The following ZNF728 variants were observed in gnomAD, a reference collection of about 807,000 sequenced individuals.
ZNF728 encodes zinc finger protein 728.
Under a neutral mutation model 12.5 loss-of-function variants are expected in ZNF728, and 12 were observed. The ratio of observed to expected loss-of-function variants is 0.96; its 90% CI spans 0.61 to 1.55. The LOEUF (loss-of-function observed/expected upper bound fraction) is 1.55, where lower values mean the gene tolerates loss of function less well. Ranked by LOEUF, ZNF728 falls within the 40% of genes most tolerant of loss-of-function variation. The pLI, the probability that ZNF728 is intolerant of heterozygous loss-of-function variation, is 0.00. For missense variants in ZNF728, 692 were observed against 719.2 expected, an observed-to-expected ratio of 0.96 and a Z score of 0.43; for synonymous variants, 205 against 240.7, an observed-to-expected ratio of 0.85 and a Z score of 1.37.
intron 1 of ZNF728, among the ~76,000 whole-genome samples, chr19:22,989,083 ATTGT>A (rs953849214): frequency 6.6e-6 from 1 of 150,548 alleles, no homozygotes; most frequent in Non-Finnish European, 1.5e-5. Context: ...AAAAGAATTA[ATTGT>A]TTGTATTTTT....
intron 1 of ZNF728, among the ~76,000 whole-genome samples, chr19:22,993,980 A>G (rs1245303635): frequency 6.6e-6 from 1 of 152,184 alleles, no homozygotes; most frequent in Non-Finnish European, 1.5e-5. Context: ...AATAGCAGCA[A>G]GTGTTACCTG....
At chr19:22,994,763 C>A (rs1237565111) in intron 1 of ZNF728, among the ~76,000 whole-genome samples, 7 of 152,176 alleles carry the variant, frequency 4.6e-5, no homozygotes, top group Non-Finnish European at 7.3e-5. Flanking sequence ...CGGGTGCTAT[C>A]TTTTTGGCTC....
intron 3 of ZNF728, among the ~76,000 whole-genome samples, chr19:22,982,450 T>G (rs906146016): frequency 1.3e-5 from 2 of 152,102 alleles, no homozygotes; most frequent in Admixed American, 1.3e-4. Flanking sequence ...CCAAAGTAAT[T>G]TATAGATTCA....
rs1411197874 is a variant in ZNF728, at chr19:22,975,920, T to C, written c.1417A>G (p.Ile473Val). 1 of 1,606,598 alleles carries C rather than the reference T, an allele frequency of 6.2e-7. No individual in the cohort carries two copies. The highest frequency in any genetic ancestry group is 1.7e-5 in the Admixed American group (1 of 59,890). The part of the protein sequence containing the change: ...WSSSLTTHKA[I>V]HAGEKLYKCE... ...TTGTAGAGTTTCTCTCCAGCATGAA[T>C]TGCCTTATGTGTAGTAAGGCTTGAG... The change falls in exon 4 of 4, where the codon ATT (isoleucine) becomes GTT (valine). Residue 473 changes from isoleucine (I) to valine (V), a missense_variant. Physicochemically the swap from Ile to Val is conservative, Grantham distance 29. Transcript: ENST00000594710.
At chr19:22,982,502 T>C (rs1968870921) in intron 3 of ZNF728, among the ~76,000 whole-genome samples, 1 of 152,136 alleles carries the variant, frequency 6.6e-6, no homozygotes, top group Non-Finnish European at 1.5e-5. Flanking sequence ...TTTACAGATT[T>C]TGAAAAAACT....
At chr19:22,984,615 C>T (rs1163609711) in intron 3 of ZNF728, among the ~76,000 whole-genome samples, 4 of 136,076 alleles carry the variant, frequency 2.9e-5, no homozygotes, top group South Asian at 2.3e-4. Context: ...CACACACACA[C>T]ATATACACAC....
intron 3 of ZNF728, among the ~76,000 whole-genome samples, chr19:22,982,730 T>C (rs947532898): frequency 2.6e-5 from 4 of 152,086 alleles, no homozygotes; most frequent in African/African-American, 9.7e-5. Context: ...CATCTGATCT[T>C]TGAGAAATCT....
At chr19:22,992,487 C>A (rs966864396) in intron 1 of ZNF728, among the ~76,000 whole-genome samples, 11 of 152,138 alleles carry the variant, frequency 7.2e-5, no homozygotes, top group African/African-American at 2.7e-4. Context: ...AGGTGATCCA[C>A]CCACCTTGGC....
At chr19:22,993,307 C>A (rs568799435) in intron 1 of ZNF728, among the ~76,000 whole-genome samples, 8 of 152,322 alleles carry the variant, frequency 5.3e-5, no homozygotes, top group African/African-American at 1.9e-4. Flanking sequence ...TCTGGCCCTG[C>A]CTTGTAAATC....
At chr19:22,980,284 T>C (rs1968848793) in intron 3 of ZNF728, among the ~76,000 whole-genome samples, 1 of 150,126 alleles carries the variant, frequency 6.7e-6, no homozygotes, top group African/African-American at 2.4e-5. Context: ...GAGACAAAGA[T>C]GGGCATTACA....
At chr19:22,983,234 T>C (rs1037731304) in intron 3 of ZNF728, among the ~76,000 whole-genome samples, 5 of 151,524 alleles carry the variant, frequency 3.3e-5, no homozygotes, top group African/African-American at 1.2e-4. Context: ...AAGACATTTA[T>C]GTGGCCAACA....
At chr19:23,002,250 G>A (rs570605464) in intron 1 of ZNF728, among the ~76,000 whole-genome samples, 2 of 152,352 alleles carry the variant, frequency 1.3e-5, no homozygotes, top group African/African-American at 4.8e-5. Flanking sequence ...GGGAGGCGGA[G>A]ATTGCAGTGA....
intron 3 of ZNF728, among the ~76,000 whole-genome samples, chr19:22,978,031 A>G (rs1312526765): frequency 6.6e-6 from 1 of 151,534 alleles, no homozygotes; most frequent in African/African-American, 2.4e-5. Flanking sequence ...TTGTGGTGAT[A>G]AAAAATACAA....
chr19:22,976,532 AGG>A lies in ZNF728; in HGVS notation c.803_804del (p.Ser268PhefsTer5). On this transcript the variant is annotated frameshift_variant, in exon 4 of 4. Coordinates refer to ENST00000594710, the MANE Select transcript of ZNF728 (RefSeq NM_001267716.2). LOFTEE classifies it low-confidence loss of function (END_TRUNC). ...CEECGKAFTR[S>X]SSLIEHKRSH... ...CTTCTCTTATGTTCAATAAGGCTTG[AGG>A]ACCGGGTGAAGGCTTTGCCACATTC... 1 of 1,612,854 alleles carries A rather than the reference AGG, an allele frequency of 6.2e-7. No homozygotes were observed. Among genetic ancestry groups the A allele is most frequent in the South Asian group, 1.1e-5 (1 of 91,050 alleles).
rs758542897 is a variant in ZNF728, at chr19:22,986,626, A to G, written c.226+682T>C. ...AAATAAATTGAAATATATTTTGTCT[A>G]TCGATTCAAAGAATAAATGTTAAAA... On this transcript the variant is annotated intron_variant, in intron 3 of 3. Coordinates refer to ENST00000594710, the MANE Select transcript of ZNF728 (RefSeq NM_001267716.2). Among the ~76,000 whole-genome samples the G allele has an allele frequency of 1.2e-4, 19 of 152,258 alleles. 1 individual carries two copies. In the Middle Eastern group the frequency reaches 0.014, roughly 109 times the overall value.
At position 23,003,141 on chromosome 19, in the gene ZNF728, A is replaced by G; in HGVS notation, c.-111T>C. ...GAGCGGACGACACACAGCAGTAAGGACGACACCTTGACCTCCGCGTGCAGC... is the reference window on the plus strand; with the variant it reads ...GAGCGGACGACACACAGCAGTAAGGGCGACACCTTGACCTCCGCGTGCAGC... On this transcript the variant is annotated 5_prime_UTR_variant, in exon 1 of 4. Transcript: ENST00000594710. 7.6e-7 allele frequency: 1 copy of G among 1,313,020 alleles called. No homozygotes were observed. Among genetic ancestry groups the G allele is most frequent in the Non-Finnish European group, 1.0e-6 (1 of 968,524 alleles). 81.3% of individuals were successfully genotyped at this position (1,313,020 alleles called of 1,614,324 possible).
chr19:22,986,513 A>G (rs1414617120), intron 3 of ZNF728, among the ~76,000 whole-genome samples: 1 of 152,160 alleles, frequency 6.6e-6, no homozygotes, highest in Non-Finnish European at 1.5e-5. Context: ...CAATAGCACT[A>G]AAATAATAAA....
intron 3 of ZNF728, among the ~76,000 whole-genome samples, chr19:22,977,313 G>C (rs1446071249): frequency 6.6e-6 from 1 of 151,990 alleles, no homozygotes; most frequent in Non-Finnish European, 1.5e-5. Flanking sequence ...AGTTAAGTGT[G>C]TACAGTGTCT....
chr19:22,991,835 T>C (rs577527400), intron 1 of ZNF728, among the ~76,000 whole-genome samples: 68 of 152,310 alleles, frequency 4.5e-4, no homozygotes, highest in Non-Finnish European at 7.8e-4. Context: ...CTGTTCTCTA[T>C]GCCACTGGGG....
Sources: allele counts gnomAD v4.1 joint callset (sites outside exome capture counted in the v4.1 genomes callset), GRCh38; gene constraint gnomAD v4.1.1; transcripts MANE v1.5; gene names NCBI Gene and HGNC (gene_info 2026-07-23, HGNC 2026-07-21).